The following TMPRSS11F variants were observed in gnomAD, a reference collection of about 807,000 sequenced individuals.
TMPRSS11F encodes transmembrane serine protease 11F.
A neutral mutation model predicts 60.2 loss-of-function variants in TMPRSS11F; 47 were observed. The ratio of observed to expected loss-of-function variants is 0.78; its 90% CI spans 0.62 to 1.00. The LOEUF is 1.00. TMPRSS11F is among the 50% of genes least tolerant of loss of function. The probability of loss-of-function intolerance (pLI) is 0.00; values close to 1 mark genes in which losing one functional copy is unlikely to be tolerated. For missense variants in TMPRSS11F, 519 were observed against 522.9 expected (o/e 0.99, Z 0.07); for synonymous variants, 166 against 167.3 (o/e 0.99, Z 0.06).
At chr4:68,091,250 C>A (rs187029005) in intron 2 of TMPRSS11F, among the ~76,000 whole-genome samples, 1 of 152,148 alleles carries the variant, frequency 6.6e-6, no homozygotes, top group Admixed American at 6.5e-5. Flanking sequence ...CATCATGTTC[C>A]CTGAAAACCT....
At chr4:68,069,700 T>C (rs968490765) in intron 6 of TMPRSS11F, among the ~76,000 whole-genome samples, 1 of 152,034 alleles carries the variant, frequency 6.6e-6, no homozygotes, top group African/African-American at 2.4e-5. Flanking sequence ...AAGTTATTTA[T>C]AATGAATATT....
intron 2 of TMPRSS11F, among the ~76,000 whole-genome samples, chr4:68,093,768 C>T (rs1724004239): frequency 6.6e-6 from 1 of 151,750 alleles, no homozygotes; most frequent in South Asian, 2.1e-4. Flanking sequence ...CAAAAGAAGA[C>T]ATTTATGCAG....
rs62316509 is a variant in TMPRSS11F at position 68,057,971 on chromosome 4, A to G, written c.1158+1355T>C. Among the ~76,000 whole-genome samples the G allele has an allele frequency of 2.7e-3, 407 of 152,350 alleles. 1 individual carries two copies. Among genetic ancestry groups the G allele is most frequent in the Non-Finnish European group, 4.9e-3 (332 of 68,036 alleles). On this transcript the variant is annotated intron_variant, in intron 9 of 9. Coordinates refer to ENST00000356291, the MANE Select transcript of TMPRSS11F (RefSeq NM_207407.2). ...TAAGTGAAATAAGCCAGGCACAGAA[A>G]GACATATACTACATCATTTTACCTA...
intron 3 of TMPRSS11F, among the ~76,000 whole-genome samples, chr4:68,083,179 C>T (rs1353361985): frequency 6.6e-6 from 1 of 152,190 alleles, no homozygotes; most frequent in African/African-American, 2.4e-5. Flanking sequence ...CCACAACCTG[C>T]TCTGACTCCA....
intron 1 of TMPRSS11F, among the ~76,000 whole-genome samples, chr4:68,125,178 G>T: frequency 6.6e-6 from 1 of 151,226 alleles, no homozygotes; most frequent in East Asian, 1.9e-4. Context: ...CCCACTTGTA[G>T]ATTATACTGT....
chr4:68,097,850 C>T (rs1217003539), intron 2 of TMPRSS11F, among the ~76,000 whole-genome samples: 1 of 151,994 alleles, frequency 6.6e-6, no homozygotes, highest in Admixed American at 6.6e-5. Context: ...TTATGAGAGT[C>T]TAAGGAATGG....
At chr4:68,074,104 A>C (rs1560397517) in intron 3 of TMPRSS11F, 95 bp from the exon 4 acceptor site, 9 of 729,430 alleles carry the variant, frequency 1.2e-5, no homozygotes, top group Non-Finnish European at 1.7e-5. Context: ...GAAAAGTGTT[A>C]TTCCTTGTCT....
At chr4:68,115,925 T>G (rs1413103571) in intron 1 of TMPRSS11F, among the ~76,000 whole-genome samples, 1 of 152,196 alleles carries the variant, frequency 6.6e-6, no homozygotes, top group East Asian at 1.9e-4. Flanking sequence ...CTTGCTAATT[T>G]GACAATTCTT....
intron 1 of TMPRSS11F, among the ~76,000 whole-genome samples, chr4:68,099,956 G>A (rs1442929620): frequency 2.0e-5 from 3 of 151,882 alleles, no homozygotes; most frequent in African/African-American, 7.3e-5. Context: ...AGAAGAGGGA[G>A]CACTAAACTT....
chr4:68,092,181 T>C (rs931741138), intron 2 of TMPRSS11F, among the ~76,000 whole-genome samples: 4 of 150,336 alleles, frequency 2.7e-5, no homozygotes, highest in African/African-American at 9.7e-5. Context: ...TTTTTAAATG[T>C]TAAAAACAAA....
At chr4:68,060,631 G>A (rs1382423288) in intron 8 of TMPRSS11F, among the ~76,000 whole-genome samples, 6 of 133,436 alleles carry the variant, frequency 4.5e-5, no homozygotes, top group East Asian at 4.6e-4. Context: ...ATTCCTACTC[G>A]TTTATTGTAA....
chr4:68,061,169 A>G (rs1025611407), intron 8 of TMPRSS11F, among the ~76,000 whole-genome samples: 4 of 152,244 alleles, frequency 2.6e-5, no homozygotes, highest in African/African-American at 9.6e-5. Context: ...AAATATAAAA[A>G]CAAATGAAAG....
chr4:68,119,025 G>A (rs1373938305), intron 1 of TMPRSS11F, among the ~76,000 whole-genome samples: 1 of 152,118 alleles, frequency 6.6e-6, no homozygotes, highest in Non-Finnish European at 1.5e-5. Context: ...AGTTCTTTGA[G>A]TAAATTAAAA....
intron 8 of TMPRSS11F, chr4:68,062,775 G>A (rs371088689): frequency 2.4e-5 from 18 of 743,090 alleles, no homozygotes; most frequent in African/African-American, 1.2e-4. Context: ...GGATTTGGCC[G>A]CCCTCTGCGG....
intron 9 of TMPRSS11F, among the ~76,000 whole-genome samples, chr4:68,055,619 C>T (rs866579966): frequency 1.3e-5 from 2 of 152,094 alleles, no homozygotes; most frequent in African/African-American, 4.8e-5. Context: ...GACCAGATGG[C>T]TTCACAATTC....
At chr4:68,059,489 A>T (rs767065289) in intron 8 of TMPRSS11F, 21 bp from the exon 9 acceptor site, 2 of 1,605,812 alleles carry the variant, frequency 1.2e-6, no homozygotes, top group Non-Finnish European at 1.7e-6. Flanking sequence ...AATGGATAAA[A>T]AAACAAATAA....
chr4:68,093,182 C>CCAT (rs1723980585), intron 2 of TMPRSS11F, among the ~76,000 whole-genome samples: 3 of 152,144 alleles, frequency 2.0e-5, no homozygotes, highest in Admixed American at 2.0e-4. Flanking sequence ...TTACTACATA[C>CCAT]CATGCACTGT....
chr4:68,078,541 C>G (rs953057221), intron 3 of TMPRSS11F, among the ~76,000 whole-genome samples: 1 of 152,180 alleles, frequency 6.6e-6, no homozygotes, highest in Non-Finnish European at 1.5e-5. Flanking sequence ...CAATGTTCCA[C>G]ACATTGTCTG....
At chr4:68,056,034 T>C (rs571490706) in intron 9 of TMPRSS11F, among the ~76,000 whole-genome samples, 13 of 152,134 alleles carry the variant, frequency 8.5e-5, no homozygotes, top group Middle Eastern at 3.2e-3. Flanking sequence ...AATAGGTGTA[T>C]GTCAAACACA....
Sources: allele counts gnomAD v4.1 joint callset (sites outside exome capture counted in the v4.1 genomes callset), GRCh38; gene constraint gnomAD v4.1.1; transcripts MANE v1.5; gene names NCBI Gene and HGNC (gene_info 2026-07-23, HGNC 2026-07-21).